Variants in ESRRB observed in about 807,000 individuals in gnomAD.
ESRRB encodes the protein estrogen related receptor beta, also known as steroid hormone receptor ERR2.
A neutral mutation model predicts 46.0 loss-of-function variants in ESRRB; 16 were observed. That is an observed-to-expected ratio of 0.35 (90% CI 0.24 to 0.53). ESRRB has a LOEUF of 0.53. Among genes scored for constraint, ESRRB ranks in the 20% least tolerant of loss-of-function variants. The pLI, the probability that ESRRB is intolerant of heterozygous loss-of-function variation, is 0.93. For missense variants in ESRRB, 488 were observed against 607.4 expected, an observed-to-expected ratio of 0.80 and a Z score of 2.07; for synonymous variants, 246 against 259.6, an observed-to-expected ratio of 0.95 and a Z score of 0.50.
chr14:76,500,622 T>C lies in ESRRB; in HGVS notation c.*2164T>C, dbSNP rs1181417274. ...CCGAGGTAGCACCCTGCTCTGTCAC[T>C]TCCTGCTCAAGCTGGAGGACCCAGG... is the stretch of plus-strand genomic sequence containing the variant. On this transcript the variant is annotated 3_prime_UTR_variant, in exon 7 of 7. Transcript: ENST00000644823. 5.2e-6 allele frequency: 8 copies of C among 1,538,752 alleles called. No individual in the cohort carries two copies. The highest frequency in any genetic ancestry group is 6.3e-6 in the Non-Finnish European group (7 of 1,112,830).
intron 1 of ESRRB, among the ~76,000 whole-genome samples, chr14:76,400,180 C>A (rs1885878105): frequency 6.6e-6 from 1 of 152,198 alleles, no homozygotes; most frequent in African/African-American, 2.4e-5. Context: ...ATTAGCCTGG[C>A]AGTGGGAGCC....
At chr14:76,481,429 G>C (rs1286469535) in intron 3 of ESRRB, among the ~76,000 whole-genome samples, 1 of 152,178 alleles carries the variant, frequency 6.6e-6, no homozygotes, top group Admixed American at 6.5e-5. Context: ...ATATTTCCAG[G>C]CACTGATTTT....
At chr14:76,490,890 A>G (rs1890196884) in intron 5 of ESRRB, among the ~76,000 whole-genome samples, 1 of 152,254 alleles carries the variant, frequency 6.6e-6, no homozygotes, top group East Asian at 1.9e-4. Context: ...GCCCCAGGCT[A>G]TGGTCACTGG....
At chr14:76,476,083 T>TA (rs1161019601) in intron 3 of ESRRB, among the ~76,000 whole-genome samples, 3 of 151,800 alleles carry the variant, frequency 2.0e-5, no homozygotes, top group Non-Finnish European at 4.4e-5. Flanking sequence ...TTTTTTTTAT[T>TA]AATTTTTTTT....
In ESRRB at chr14:76,501,001, G is replaced by C. The variant is rs111905240; in HGVS notation, c.*2543G>C. On this transcript the variant is annotated 3_prime_UTR_variant, in exon 7 of 7. Coordinates refer to ENST00000644823, the MANE Select transcript of ESRRB (RefSeq NM_001379180.1). ...AAGAAGTTCAGGGGCCAACTTCTTA[G>C]CTGGAATCCTGGCCAGATGAGGACC... 2.5e-5 allele frequency: 13 copies of C among 527,914 alleles called. No homozygotes were observed. The highest frequency in any genetic ancestry group is 9.5e-5 in the Admixed American group (3 of 31,656). The allele number at this position is 527,914 out of a possible 1,614,324, so 32.7% of individuals were successfully genotyped here. A position where few individuals can be genotyped will look rare whatever the true frequency, so the allele number is the denominator to read the frequency against.
chr14:76,360,246 C>T (rs1412907689), intron 1 of ESRRB, among the ~76,000 whole-genome samples: 1 of 152,124 alleles, frequency 6.6e-6, no homozygotes, highest in Admixed American at 6.5e-5. Context: ...ATAATCCCAT[C>T]CTGTGTGGGC....
At chr14:76,351,697 G>T (rs1160199222) in intron 1 of ESRRB, among the ~76,000 whole-genome samples, 1 of 152,166 alleles carries the variant, frequency 6.6e-6, no homozygotes, top group East Asian at 1.9e-4. Flanking sequence ...TCTCATGTAT[G>T]CCACCATATG....
At chr14:76,479,177 C>A (rs925311194) in intron 3 of ESRRB, among the ~76,000 whole-genome samples, 1 of 152,104 alleles carries the variant, frequency 6.6e-6, no homozygotes, top group African/African-American at 2.4e-5. Context: ...AGGAAGACAG[C>A]GGAGACTGCT....
intron 1 of ESRRB, among the ~76,000 whole-genome samples, chr14:76,347,932 G>A (rs778590054): frequency 1.3e-5 from 2 of 152,156 alleles, no homozygotes; most frequent in Non-Finnish European, 2.9e-5. Flanking sequence ...GAAATACTTG[G>A]ATGGATAGGT....
At position 76,458,349 on chromosome 14, in the gene ESRRB, G is replaced by A. The variant is rs1888699283; in HGVS notation, c.461-4196G>A. ...AAAGCAAGGCCGCCAGCCTGGCTTT[G>A]CTGGCAGCTAGCCGCTGGGGCCATA... On this transcript the variant is annotated intron_variant, in intron 2 of 6. Coordinates refer to ENST00000644823, the MANE Select transcript of ESRRB (RefSeq NM_001379180.1). Among the ~76,000 whole-genome samples, 3 of 152,044 alleles carry A rather than the reference G, an allele frequency of 2.0e-5. 1 individual carries two copies. The highest frequency in any genetic ancestry group is 4.2e-4 in the South Asian group (2 of 4,810).
intron 1 of ESRRB, among the ~76,000 whole-genome samples, chr14:76,327,133 C>T (rs72729694): frequency 0.066 from 10,004 of 152,342 alleles, 474 homozygotes; most frequent in Admixed American, 0.089. Flanking sequence ...GCTCACATTG[C>T]CCAGCCTGTG....
chr14:76,400,745 G>A (rs558991623), intron 1 of ESRRB, among the ~76,000 whole-genome samples: 1 of 152,168 alleles, frequency 6.6e-6, no homozygotes, highest in Non-Finnish European at 1.5e-5. Flanking sequence ...GGGACAGAAA[G>A]TGAAGACACA....
rs1889844014 is a variant in ESRRB, at chr14:76,482,421, G to C, written c.689-177G>C. ...TCCCTTGGAGGGATATTTCTCAACA[G>C]CCCAGATCACCACTACCAGCAACTT... is the stretch of plus-strand genomic sequence containing the variant. On this transcript the variant is annotated intron_variant, in intron 4 of 6. Coordinates refer to ENST00000644823, the MANE Select transcript of ESRRB (RefSeq NM_001379180.1). The surrounding 1 kb of genome is among the most constrained non-coding windows in gnomAD (Gnocchi z 4.3). Among the ~76,000 whole-genome samples, 1 of 152,132 alleles carries C rather than the reference G, an allele frequency of 6.6e-6. No individual in the cohort carries two copies. Among genetic ancestry groups the C allele is most frequent in the Admixed American group, 6.6e-5 (1 of 15,266 alleles).
chr14:76,325,895 C>T (rs1009115747), intron 1 of ESRRB, among the ~76,000 whole-genome samples: 2 of 152,316 alleles, frequency 1.3e-5, no homozygotes, highest in African/African-American at 2.4e-5. Flanking sequence ...TCCTCTACTG[C>T]ACTCAGCCTC....
chr14:76,349,433 C>T (rs772841097), intron 1 of ESRRB, among the ~76,000 whole-genome samples: 1 of 152,196 alleles, frequency 6.6e-6, no homozygotes, highest in Non-Finnish European at 1.5e-5. Flanking sequence ...CAGAGGGATG[C>T]ACTGGTCTGG....
intron 1 of ESRRB, among the ~76,000 whole-genome samples, chr14:76,415,363 T>C (rs982225825): frequency 1.1e-4 from 16 of 152,118 alleles, no homozygotes; most frequent in African/African-American, 2.7e-4. Context: ...ACTTTTTATA[T>C]CAAATAGAGA....
chr14:76,325,834 C>T (rs1394867081), intron 1 of ESRRB, among the ~76,000 whole-genome samples: 3 of 152,206 alleles, frequency 2.0e-5, no homozygotes, highest in African/African-American at 4.8e-5. Flanking sequence ...TAACTCTAGA[C>T]GGCCCAGCTC....
intron 1 of ESRRB, among the ~76,000 whole-genome samples, chr14:76,358,347 G>GA (rs1306180561): frequency 2.8e-4 from 8 of 28,966 alleles, no homozygotes; most frequent in African/African-American, 4.0e-4. Context: ...AAGAAAGAAA[G>GA]AAAGAAAGAA....
Position 76,491,802 on chromosome 14 carries a change from G to A in ESRRB, c.1120+86G>A, listed in dbSNP as rs529233126. 1.4e-5 allele frequency: 20 copies of A among 1,413,226 alleles called. No individual in the cohort carries two copies. In the East Asian group the frequency reaches 2.5e-4, roughly 18 times the overall value. 87.5% of individuals were successfully genotyped at this position (1,413,226 alleles called of 1,614,324 possible). ...CCCATCCCTGGGGCCTGTGGGCAGG[G>A]CTGGCTGCCATGGATAGAGATGAAA... On this transcript the variant is annotated intron_variant, in intron 6 of 6. Transcript: ENST00000644823.
Sources: gnomAD v4.1 joint callset for allele counts (sites outside exome capture counted in the v4.1 genomes callset) on GRCh38, gnomAD v4.1.1 for gene constraint, Gnocchi (gnomAD v3.1) non-coding constraint, MANE v1.5 for transcripts, NCBI Gene and HGNC (gene_info 2026-07-23, HGNC 2026-07-21) for gene names.